MYRIP: variants seen among roughly 807,000 people sequenced by gnomAD.
MYRIP encodes myosin VIIA and Rab interacting protein.
MYRIP carries 49 observed loss-of-function variants against 98.0 expected under a neutral mutation model. The ratio of observed to expected loss-of-function variants is 0.50; its 90% confidence interval spans 0.40 to 0.63. The LOEUF (loss-of-function observed/expected upper bound fraction) is 0.63. MYRIP is among the 30% of genes least tolerant of loss of function. MYRIP has a pLI of 0.00. For missense variants in MYRIP, 1,004 were observed against 1,058.2 expected (o/e 0.95, Z 0.71); for synonymous variants, 404 against 409.5 (o/e 0.99, Z 0.16).
chr3:40,158,010 A>G (rs1950283578), intron 4 of MYRIP, among the ~76,000 whole-genome samples: 1 of 151,488 alleles, frequency 6.6e-6, no homozygotes, highest in Admixed American at 6.6e-5. Context: ...TTCTGCTCTG[A>G]TCTTAGTTAT....
At chr3:40,071,297 C>T in intron 3 of MYRIP, 1 of 651,746 alleles carries the variant, frequency 1.5e-6, no homozygotes, top group South Asian at 6.9e-5. Context: ...GGGATTCAGA[C>T]AATTATATGG....
At chr3:39,945,300 T>C (rs1944873308) in intron 2 of MYRIP, among the ~76,000 whole-genome samples, 1 of 103,600 alleles carries the variant, frequency 9.7e-6, no homozygotes, top group African/African-American at 4.2e-5. Flanking sequence ...TGAAATACCA[T>C]CTCTACTACA....
intron 2 of MYRIP, among the ~76,000 whole-genome samples, chr3:39,975,941 A>C (rs1348619314): frequency 6.6e-6 from 1 of 152,240 alleles, no homozygotes; most frequent in East Asian, 1.9e-4. Context: ...CAAACCATGA[A>C]AACCCTAGAA....
At chr3:40,172,105 T>G (rs899982286) in intron 8 of MYRIP, among the ~76,000 whole-genome samples, 2 of 152,174 alleles carry the variant, frequency 1.3e-5, no homozygotes, top group African/African-American at 4.8e-5. Context: ...AAGACAAGGT[T>G]GGGGTGGGGA....
At chr3:40,055,949 C>A (rs933818479) in intron 3 of MYRIP, among the ~76,000 whole-genome samples, 1 of 152,098 alleles carries the variant, frequency 6.6e-6, no homozygotes, top group African/African-American at 2.4e-5. Context: ...ATGAACTAAA[C>A]CATATATGAT....
intron 3 of MYRIP, among the ~76,000 whole-genome samples, chr3:40,144,134 A>T (rs1949965059): frequency 6.6e-6 from 1 of 152,178 alleles, no homozygotes; most frequent in African/African-American, 2.4e-5. Context: ...CAAACAAGAG[A>T]ATTTGTTGGC....
Position 40,001,269 on chromosome 3 carries a change from C to A in MYRIP, c.111-42781C>A, listed in dbSNP as rs138631723. The stretch of plus-strand genomic sequence containing the variant: ...CAAAAATGGTGAAAGTGGTTGCCTG[C>A]AGACTTGCAAATGGGAAAGTGTGTG... On this transcript the variant is annotated intron_variant, in intron 2 of 16. Coordinates refer to ENST00000302541, the MANE Select transcript of MYRIP (RefSeq NM_015460.4). Among the ~76,000 whole-genome samples, 463 of 152,310 alleles carry A rather than the reference C, an allele frequency of 3.0e-3. 5 individuals carry two copies. Among genetic ancestry groups the A allele is most frequent in the African/African-American group, 0.01 (417 of 41,568 alleles).
chr3:39,902,473 T>C (rs547555919), intron 2 of MYRIP, among the ~76,000 whole-genome samples: 1 of 152,310 alleles, frequency 6.6e-6, no homozygotes, highest in Non-Finnish European at 1.5e-5. Context: ...ACTGAACCAT[T>C]GGAAAGAACC....
intron 1 of MYRIP, among the ~76,000 whole-genome samples, chr3:39,897,346 C>T (rs1943636797): frequency 6.6e-6 from 1 of 152,162 alleles, no homozygotes; most frequent in Non-Finnish European, 1.5e-5. Flanking sequence ...TTTATTTCAC[C>T]TTAGAGTCCC....
chr3:40,037,677 T>C (rs6786024), intron 2 of MYRIP, among the ~76,000 whole-genome samples: 42,250 of 151,874 alleles, frequency 0.28, 6,576 homozygotes, highest in Non-Finnish European at 0.36. Context: ...GAAATCATCC[T>C]CCTGCCTACC....
chr3:39,911,966 A>T (rs557523305), intron 2 of MYRIP, among the ~76,000 whole-genome samples: 24 of 152,324 alleles, frequency 1.6e-4, no homozygotes, highest in African/African-American at 5.8e-4. Context: ...CCTGACTGTC[A>T]GGGTGACTTA....
At chr3:40,168,884 G>T (rs997999101) in intron 7 of MYRIP, among the ~76,000 whole-genome samples, 2 of 152,196 alleles carry the variant, frequency 1.3e-5, no homozygotes, top group Non-Finnish European at 2.9e-5. Context: ...AGAAAGTGCC[G>T]TATGCAGGAA....
chr3:39,867,392 G>A (rs1164415156), intron 1 of MYRIP, among the ~76,000 whole-genome samples: 1 of 152,130 alleles, frequency 6.6e-6, no homozygotes, highest in Admixed American at 6.6e-5. Flanking sequence ...CTACAGAATA[G>A]GAGAAAATAT....
Position 40,259,350 on chromosome 3 carries a change from A to G in MYRIP, c.*1184A>G, listed in dbSNP as rs1297493909. ...ACCTTCTTTTATGTTTGTTCCTGAT[A>G]TAGTCTGAATCTTAGGAAGAAGGTA... On this transcript the variant is annotated 3_prime_UTR_variant, in exon 17 of 17. Transcript: ENST00000302541. 6.6e-6 allele frequency: 1 copy of G among 152,190 alleles called. No individual in the cohort carries two copies. The highest frequency in any genetic ancestry group is 6.5e-5 in the Admixed American group (1 of 15,272). 9.4% of individuals were successfully genotyped at this position (152,190 alleles called of 1,614,324 possible).
intron 2 of MYRIP, among the ~76,000 whole-genome samples, chr3:39,989,604 A>C (rs1946119689): frequency 6.6e-6 from 1 of 152,234 alleles, no homozygotes; most frequent in African/African-American, 2.4e-5. Context: ...TGAATTCTTC[A>C]GAACTAGCAG....
At chr3:40,023,123 A>G (rs1028430479) in intron 2 of MYRIP, among the ~76,000 whole-genome samples, 4 of 152,194 alleles carry the variant, frequency 2.6e-5, no homozygotes, top group African/African-American at 4.8e-5. Flanking sequence ...AGAATGAAAC[A>G]TGAATTAATC....
intron 2 of MYRIP, among the ~76,000 whole-genome samples, chr3:39,983,255 G>A (rs1431653780): frequency 6.6e-6 from 1 of 152,134 alleles, no homozygotes; most frequent in African/African-American, 2.4e-5. Flanking sequence ...ATCAAGTCAG[G>A]AAAAGGGGAA....
At chr3:40,229,708 G>C (rs1952596218) in intron 11 of MYRIP, among the ~76,000 whole-genome samples, 1 of 152,156 alleles carries the variant, frequency 6.6e-6, no homozygotes, top group African/African-American at 2.4e-5. Context: ...GTGGTGGACT[G>C]TTTCAGCTCT....
chr3:40,101,648 A>G (rs1177164543), intron 3 of MYRIP, among the ~76,000 whole-genome samples: 2 of 151,982 alleles, frequency 1.3e-5, no homozygotes, highest in Non-Finnish European at 2.9e-5. Context: ...CATCAATCCT[A>G]TCAAGTGTTT....
Sources: gnomAD v4.1 joint callset for allele counts (sites outside exome capture counted in the v4.1 genomes callset) on GRCh38, gnomAD v4.1.1 for gene constraint, MANE v1.5 for transcripts, NCBI Gene and HGNC (gene_info 2026-07-23, HGNC 2026-07-21) for gene names.